Variants in PTPRD observed in about 807,000 individuals in gnomAD.
PTPRD encodes the protein receptor-type tyrosine-protein phosphatase delta.
A neutral mutation model predicts 214.5 loss-of-function variants in PTPRD; 34 were observed. That is an observed-to-expected ratio of 0.16 (90% CI 0.12 to 0.21). The LOEUF (loss-of-function observed/expected upper bound fraction) is 0.21. Ranked by LOEUF, PTPRD falls within the 10% of genes least tolerant of loss-of-function variation. The pLI is 1.00. For missense variants in PTPRD, 2,545 were observed against 2,398.7 expected, an observed-to-expected ratio of 1.06 and a Z score of -1.27; for synonymous variants, 1,128 against 845.7, an observed-to-expected ratio of 1.33 and a Z score of -5.79.
At chr9:10,153,718 G>C (rs2099076375) in intron 3 of PTPRD, among the ~76,000 whole-genome samples, 1 of 152,024 alleles carries the variant, frequency 6.6e-6, no homozygotes, top group Non-Finnish European at 1.5e-5. Flanking sequence ...AGGTAACAGT[G>C]TCTTTTGTTC....
chr9:9,450,009 T>C (rs1272965197), intron 8 of PTPRD, among the ~76,000 whole-genome samples: 1 of 151,984 alleles, frequency 6.6e-6, no homozygotes, highest in African/African-American at 2.4e-5. Context: ...CTGAGTTACT[T>C]TACTTAGAAC....
chr9:10,288,880 T>C (rs2095443511), intron 3 of PTPRD, among the ~76,000 whole-genome samples: 1 of 152,104 alleles, frequency 6.6e-6, no homozygotes, highest in South Asian at 2.1e-4. Context: ...ATAGCATAAA[T>C]TAGAGAGGAG....
Position 9,697,711 on chromosome 9 carries a change from T to C in PTPRD, c.-287+36822A>G, listed in dbSNP as rs2154409247. ...TGGTAATCTCTGACCTGCATATTTA[T>C]ATAGTGTTTTTGAAAGCTGTCATTT... On this transcript the variant is annotated intron_variant, in intron 7 of 45. Coordinates refer to ENST00000381196, the MANE Select transcript of PTPRD (RefSeq NM_002839.4). 2.0e-5 allele frequency among the ~76,000 whole-genome samples: 3 copies of C among 152,284 alleles called. No individual in the cohort carries two copies. The South Asian group carries it at 6.2e-4, about 32-fold the overall frequency.
chr9:10,041,623 T>G (rs2154142835), intron 3 of PTPRD, among the ~76,000 whole-genome samples: 1 of 152,056 alleles, frequency 6.6e-6, no homozygotes, highest in Non-Finnish European at 1.5e-5. Context: ...AAGTGTAATA[T>G]GAGCAAGAAA....
intron 36 of PTPRD, among the ~76,000 whole-genome samples, chr9:8,392,562 G>T (rs1376219421): frequency 6.6e-6 from 1 of 152,054 alleles, no homozygotes; most frequent in Non-Finnish European, 1.5e-5. Context: ...TGAAAAATAC[G>T]TAATTGAAAA....
intron 3 of PTPRD, among the ~76,000 whole-genome samples, chr9:10,335,570 T>C (rs1329107027): frequency 1.3e-5 from 2 of 151,194 alleles, no homozygotes; most frequent in African/African-American, 4.9e-5. Context: ...AAAGGCATGA[T>C]CCATGAAATA....
chr9:8,359,346 A>G (rs2077867937), intron 39 of PTPRD, among the ~76,000 whole-genome samples: 2 of 151,732 alleles, frequency 1.3e-5, no homozygotes, highest in Admixed American at 1.3e-4. Context: ...TATTTTTGAG[A>G]CTGAGCCTCG....
At chr9:10,431,333 T>G (rs1407180137) in intron 2 of PTPRD, among the ~76,000 whole-genome samples, 1 of 151,952 alleles carries the variant, frequency 6.6e-6, no homozygotes, top group Non-Finnish European at 1.5e-5. Flanking sequence ...ATAAAAACCC[T>G]AGAAGAAAAC....
intron 11 of PTPRD, among the ~76,000 whole-genome samples, chr9:8,989,364 C>T (rs575587853): frequency 1.1e-4 from 17 of 152,128 alleles, no homozygotes; most frequent in South Asian, 4.1e-4. Context: ...TTCCTCCTTC[C>T]GCTTTTGCTT....
At chr9:9,298,012 T>C (rs1953759913) in intron 9 of PTPRD, among the ~76,000 whole-genome samples, 1 of 151,804 alleles carries the variant, frequency 6.6e-6, no homozygotes, top group Non-Finnish European at 1.5e-5. Flanking sequence ...TAGTAGATGC[T>C]AGGGAATATG....
intron 11 of PTPRD, among the ~76,000 whole-genome samples, chr9:8,982,570 A>G (rs2099318429): frequency 6.6e-6 from 1 of 151,170 alleles, no homozygotes; most frequent in South Asian, 2.1e-4. Flanking sequence ...TGAAAATATG[A>G]CCTAAAGGGA....
intron 9 of PTPRD, among the ~76,000 whole-genome samples, chr9:9,246,921 A>G (rs1420891065): frequency 6.6e-6 from 1 of 152,022 alleles, no homozygotes. Flanking sequence ...AGTACATTGG[A>G]AGGTCTCAGA....
intron 11 of PTPRD, among the ~76,000 whole-genome samples, chr9:8,856,984 C>G (rs1262381536): frequency 6.6e-6 from 1 of 152,170 alleles, no homozygotes; most frequent in African/African-American, 2.4e-5. Context: ...TAAATTGTTT[C>G]TTACAACTTT....
At chr9:10,394,092 C>A (rs1323280642) in intron 2 of PTPRD, among the ~76,000 whole-genome samples, 1 of 141,784 alleles carries the variant, frequency 7.1e-6, no homozygotes, top group African/African-American at 2.6e-5. Context: ...AGAAACATAT[C>A]TATCTCTCTC....
At chr9:8,667,906 A>T (rs898199427) in intron 12 of PTPRD, among the ~76,000 whole-genome samples, 2 of 152,182 alleles carry the variant, frequency 1.3e-5, no homozygotes, top group African/African-American at 4.8e-5. Flanking sequence ...GAAAATAGGG[A>T]GTCTCTCTGA....
chr9:8,834,526 G>A (rs2097370787), intron 11 of PTPRD, among the ~76,000 whole-genome samples: 1 of 152,082 alleles, frequency 6.6e-6, no homozygotes, highest in Non-Finnish European at 1.5e-5. Flanking sequence ...TACGGCAAAG[G>A]TATTAATACT....
At chr9:8,468,669 A>C (rs1216167992) in intron 31 of PTPRD, among the ~76,000 whole-genome samples, 1 of 151,906 alleles carries the variant, frequency 6.6e-6, no homozygotes, top group Non-Finnish European at 1.5e-5. Context: ...TGGTTCCAAC[A>C]ATTTGAATTA....
chr9:10,098,355 AG>A (rs1460376631), intron 3 of PTPRD, among the ~76,000 whole-genome samples: 1 of 67,764 alleles, frequency 1.5e-5, no homozygotes, highest in Non-Finnish European at 2.9e-5. Flanking sequence ...GGGTTGGGGG[AG>A]GGGGGAGGGA....
intron 33 of PTPRD, among the ~76,000 whole-genome samples, chr9:8,459,966 T>C (rs1178625484): frequency 6.6e-6 from 1 of 152,132 alleles, no homozygotes; most frequent in African/African-American, 2.4e-5. Flanking sequence ...TACAGGGAGC[T>C]ATCTCAACAC....
Sources: allele counts gnomAD v4.1 joint callset (sites outside exome capture counted in the v4.1 genomes callset), GRCh38; gene constraint gnomAD v4.1.1; transcripts MANE v1.5; gene names NCBI Gene and HGNC (gene_info 2026-07-23, HGNC 2026-07-21).